Variants in HOMER2 observed in about 807,000 individuals in gnomAD.
The protein encoded by HOMER2 is homer protein homolog 2.
A neutral mutation model predicts 47.0 loss-of-function variants in HOMER2; 27 were observed. That is an observed-to-expected ratio of 0.57 (90% CI 0.42 to 0.79). The LOEUF (loss-of-function observed/expected upper bound fraction) is 0.79, where lower values mean the gene tolerates loss of function less well. Ranked by LOEUF, HOMER2 falls within the 30% of genes least tolerant of loss-of-function variation. The pLI, the probability that HOMER2 is intolerant of heterozygous loss-of-function variation, is 0.00. For missense variants in HOMER2, 443 were observed against 435.0 expected (o/e 1.02, Z -0.16); for synonymous variants, 161 against 163.8 (o/e 0.98, Z 0.13).
chr15:82,978,471 G>A (rs1275069711), intron 1 of HOMER2, among the ~76,000 whole-genome samples: 4 of 152,144 alleles, frequency 2.6e-5, no homozygotes, highest in Admixed American at 2.6e-4. Context: ...ACCAGAGTGG[G>A]GAGGGCACTG....
At chr15:82,869,636 T>G (rs2052113999) in intron 3 of HOMER2, among the ~76,000 whole-genome samples, 1 of 151,920 alleles carries the variant, frequency 6.6e-6, no homozygotes, top group Non-Finnish European at 1.5e-5. Flanking sequence ...TTTTGTATTT[T>G]TAGAGGAGAC....
chr15:82,963,764 G>A (rs1161376581), intron 1 of HOMER2, among the ~76,000 whole-genome samples: 1 of 152,132 alleles, frequency 6.6e-6, no homozygotes, highest in Non-Finnish European at 1.5e-5. Flanking sequence ...GTCTTATCAT[G>A]GGATCTTGGG....
exon 2 of HOMER2, chr15:82,958,446 G>C (rs1364509634): frequency 6.6e-6 from 1 of 152,260 alleles, no homozygotes. Context: ...AGGTAAGTTG[G>C]GACCACTCTG....
At chr15:82,875,711 T>C (rs959127933) in intron 2 of HOMER2, among the ~76,000 whole-genome samples, 2 of 152,212 alleles carry the variant, frequency 1.3e-5, no homozygotes, top group Non-Finnish European at 2.9e-5. Context: ...CTGCTATTTA[T>C]TTCCCCAAAG....
intron 1 of HOMER2, among the ~76,000 whole-genome samples, chr15:82,979,266 G>A (rs913649019): frequency 1.3e-5 from 2 of 152,186 alleles, no homozygotes; most frequent in African/African-American, 4.8e-5. Context: ...AGTGGCAAGA[G>A]ATGAGACTGG....
At chr15:82,906,436 T>A (rs111442444) in intron 1 of HOMER2, among the ~76,000 whole-genome samples, 2,431 of 151,202 alleles carry the variant, frequency 0.016, 37 homozygotes, top group Middle Eastern at 0.028. Context: ...AAATCCACTT[T>A]TTTTTTTTTT....
At chr15:82,900,286 A>G (rs919784432) in intron 1 of HOMER2, among the ~76,000 whole-genome samples, 1 of 152,176 alleles carries the variant, frequency 6.6e-6, no homozygotes, top group Non-Finnish European at 1.5e-5. Context: ...GCAACATAGC[A>G]AGACCCATTT....
At chr15:82,952,435 G>A (rs1190058319) in intron 1 of HOMER2, 96 bp downstream of exon 1, 3 of 909,798 alleles carry the variant, frequency 3.3e-6, no homozygotes, top group East Asian at 3.9e-5. Flanking sequence ...GGCGGGGGCC[G>A]GCCCGCCGGG....
At chr15:82,835,125 G>A (rs1338929920), downstream of HOMER2, 6 of 84,866 alleles carry the variant, frequency 7.1e-5, no homozygotes, top group African/African-American at 2.9e-4. Flanking sequence ...TCCTACTTCA[G>A]TTTTTTTGTT....
intron 1 of HOMER2, among the ~76,000 whole-genome samples, chr15:82,984,548 A>T (rs2030522033): frequency 6.6e-6 from 1 of 152,234 alleles, no homozygotes; most frequent in South Asian, 2.1e-4. Context: ...GCTGGGCTCC[A>T]CGGCTCAGGC....
chr15:82,835,262 G>A (rs2051112893), downstream of HOMER2: 1 of 152,264 alleles, frequency 6.6e-6, no homozygotes. Flanking sequence ...GAGTAGCTGG[G>A]ACTACAGGCG....
At chr15:82,924,240 G>A (rs2053802922) in intron 1 of HOMER2, among the ~76,000 whole-genome samples, 1 of 152,122 alleles carries the variant, frequency 6.6e-6, no homozygotes, top group Admixed American at 6.6e-5. Context: ...TCAGATGTGG[G>A]GCTATGGTAC....
intron 8 of HOMER2, among the ~76,000 whole-genome samples, chr15:82,850,800 T>C (rs2051366355): frequency 6.6e-6 from 1 of 152,214 alleles, no homozygotes; most frequent in African/African-American, 2.4e-5. Flanking sequence ...CCAAGGCCAC[T>C]GGCAGGGGAG....
chr15:82,931,590 G>A (rs1417100034), intron 1 of HOMER2, among the ~76,000 whole-genome samples: 1 of 149,134 alleles, frequency 6.7e-6, no homozygotes, highest in African/African-American at 2.5e-5. Flanking sequence ...TATAATCCCA[G>A]CACTTTGGGA....
chr15:82,892,747 C>T lies in HOMER2; in HGVS notation c.100G>A (p.Val34Ile), dbSNP rs544469522. Residue 34 changes from valine to isoleucine, a missense_variant, in exon 2 of 9, where the codon GTT becomes ATT. By Grantham distance (29) the Val-to-Ile change is conservative. Transcript: ENST00000450735. The stretch of plus-strand genomic sequence containing the variant: ...CTTGTGACATCATAGAAGTAGGAAA[C>T]GGTGACCGCCTGCTTGCTCGCAGGC... ...WMPASKQAVT[V>I]SYFYDVTRNS... is the part of the protein sequence containing the mutation. 83 of 1,605,234 alleles carry T rather than the reference C, an allele frequency of 5.2e-5. No individual in the cohort carries two copies. In the Admixed American group the frequency reaches 5.5e-4, roughly 11 times the overall value.
intron 2 of HOMER2, 91 bp downstream of exon 2, chr15:82,892,594 T>G (rs1411995595): frequency 3.0e-6 from 3 of 989,930 alleles, no homozygotes; most frequent in Non-Finnish European, 4.3e-6. Flanking sequence ...ATTATAACAA[T>G]AACTTATGTG....
intron 1 of HOMER2, among the ~76,000 whole-genome samples, chr15:82,937,489 C>T (rs1253212091): frequency 1.3e-5 from 2 of 152,166 alleles, no homozygotes; most frequent in Non-Finnish European, 2.9e-5. Flanking sequence ...CTCACACTGC[C>T]TCTGCCCTCC....
intron 1 of HOMER2, among the ~76,000 whole-genome samples, chr15:82,894,360 A>G (rs1004660577): frequency 3.9e-5 from 6 of 152,242 alleles, no homozygotes; most frequent in Non-Finnish European, 7.3e-5. Flanking sequence ...ATCTTTACAC[A>G]GACTGGCTCA....
chr15:82,958,793 C>G (rs1435792869), exon 2 of HOMER2: 1 of 152,364 alleles, frequency 6.6e-6, no homozygotes, highest in Non-Finnish European at 1.5e-5. Flanking sequence ...AATCATCAAA[C>G]AATCCAACAA....
Sources: gnomAD v4.1 joint callset for allele counts (sites outside exome capture counted in the v4.1 genomes callset) on GRCh38, gnomAD v4.1.1 for gene constraint, MANE v1.5 for transcripts, NCBI Gene and HGNC (gene_info 2026-07-23, HGNC 2026-07-21) for gene names.